TAF1A: variants seen among roughly 807,000 people sequenced by gnomAD.
TAF1A encodes TATA-box binding protein associated factor, RNA polymerase I subunit A, also known as TATA box-binding protein-associated factor RNA polymerase I subunit A.
In TAF1A, 42 loss-of-function variants were observed where a neutral mutation model predicts 61.6. The ratio of observed to expected loss-of-function variants is 0.68; its 90% CI spans 0.53 to 0.88. The LOEUF (loss-of-function observed/expected upper bound fraction) is 0.88, where lower values mean the gene tolerates loss of function less well. TAF1A is among the 40% of genes least tolerant of loss of function. The pLI is 0.00. For synonymous variants in TAF1A, 179 were observed against 177.7 expected (o/e 1.01, Z -0.06); for missense variants, 424 against 518.7 (o/e 0.82, Z 1.77).
intron 10 of TAF1A, among the ~76,000 whole-genome samples, chr1:222,560,098 T>G (rs1659854736): frequency 6.6e-6 from 1 of 152,106 alleles, no homozygotes; most frequent in Non-Finnish European, 1.5e-5. Flanking sequence ...TGGGCCTGGC[T>G]TGCTTTTAGT....
intron 7 of TAF1A, among the ~76,000 whole-genome samples, chr1:222,568,184 A>G (rs1315742555): frequency 1.6e-5 from 2 of 126,788 alleles, no homozygotes; most frequent in East Asian, 4.4e-4. Context: ...ACATCTAGAA[A>G]AAAAAAAAAA....
intron 4 of TAF1A, among the ~76,000 whole-genome samples, chr1:222,579,171 G>A (rs1032999076): frequency 1.3e-5 from 2 of 152,082 alleles, no homozygotes; most frequent in Non-Finnish European, 1.5e-5. Flanking sequence ...GAACAAAATC[G>A]TAAGAGCATC....
chr1:222,569,696 G>T, intron 6 of TAF1A, 28 bp from the exon 7 acceptor site: 3 of 1,586,354 alleles, frequency 1.9e-6, no homozygotes, highest in Non-Finnish European at 1.7e-6. Flanking sequence ...TAATATCTTA[G>T]CTGAATTCTG....
intron 9 of TAF1A, 29 bp from the exon 10 acceptor site, chr1:222,561,547 G>T (rs1265105333): frequency 6.4e-7 from 1 of 1,567,112 alleles, no homozygotes; most frequent in South Asian, 1.2e-5. Flanking sequence ...AAAAGAGAGG[G>T]TCAATGATGG....
intron 3 of TAF1A, among the ~76,000 whole-genome samples, chr1:222,582,499 A>C (rs1660825460): frequency 6.6e-6 from 1 of 152,222 alleles, no homozygotes; most frequent in Non-Finnish European, 1.5e-5. Flanking sequence ...TGCTGGTGAG[A>C]ATATAAATGG....
At chr1:222,561,280 G>A (rs1389574202) in intron 10 of TAF1A, 84 bp downstream of exon 10, 1 of 1,399,066 alleles carries the variant, frequency 7.1e-7, no homozygotes, top group Admixed American at 2.3e-5. Context: ...TACCATGTTA[G>A]GTAAGCTCTA....
downstream of TAF1A, among the ~76,000 whole-genome samples, chr1:222,557,296 G>A (rs964656552): frequency 6.6e-6 from 1 of 152,160 alleles, no homozygotes; most frequent in African/African-American, 2.4e-5. Context: ...ATAAAGCTCA[G>A]CTCATGTTCC....
rs554278136 is a variant in TAF1A, at chr1:222,575,384, T to G, written c.604+2061A>C. 5.3e-5 allele frequency among the ~76,000 whole-genome samples: 8 copies of G among 151,986 alleles called. No individual in the cohort carries two copies. In the East Asian group the frequency reaches 1.2e-3, roughly 22 times the overall value. On this transcript the variant is annotated intron_variant, in intron 5 of 10. Coordinates refer to ENST00000352967, the MANE Select transcript of TAF1A (RefSeq NM_005681.4). ...AAAAAAAAAATTGATGGTGCACACC[T>G]GTAGTCCCAAGTCCTTGGGAGGCTG...
chr1:222,579,109 C>T (rs1444703032), intron 4 of TAF1A, among the ~76,000 whole-genome samples: 3 of 152,194 alleles, frequency 2.0e-5, no homozygotes, highest in African/African-American at 7.2e-5. Context: ...TTAAGTAGAA[C>T]CGTAAACTGC....
At chr1:222,584,402 T>G in intron 2 of TAF1A, 105 bp from the exon 3 acceptor site, 1 of 1,054,250 alleles carries the variant, frequency 9.5e-7, no homozygotes, top group Non-Finnish European at 1.3e-6. Context: ...CAGTAGGCAT[T>G]ACTTGACCCA....
At chr1:222,567,751 C>T (rs1660173436) in intron 7 of TAF1A, among the ~76,000 whole-genome samples, 1 of 152,030 alleles carries the variant, frequency 6.6e-6, no homozygotes, top group African/African-American at 2.4e-5. Flanking sequence ...AGTTAAAGAA[C>T]CTAGAAAAGC....
intron 5 of TAF1A, among the ~76,000 whole-genome samples, chr1:222,574,296 C>A (rs1055978532): frequency 2.0e-4 from 31 of 151,906 alleles, no homozygotes; most frequent in Non-Finnish European, 1.9e-4. Flanking sequence ...AGAAAAAAAA[C>A]CATGAGAGAT....
intron 2 of TAF1A, 89 bp downstream of exon 2, chr1:222,588,354 T>G: frequency 6.8e-7 from 1 of 1,472,282 alleles, no homozygotes; most frequent in Non-Finnish European, 9.1e-7. Context: ...TCTTGAAAAT[T>G]AAACCAGTCT....
chr1:222,585,116 A>G (rs778484304), intron 2 of TAF1A, among the ~76,000 whole-genome samples: 116 of 152,340 alleles, frequency 7.6e-4, no homozygotes, highest in Non-Finnish European at 1.1e-3. Context: ...AGGTGAAAAC[A>G]CAGGTGTTGA....
At chr1:222,555,275 A>G (rs1659713041), downstream of TAF1A, among the ~76,000 whole-genome samples, 1 of 152,238 alleles carries the variant, frequency 6.6e-6, no homozygotes, top group South Asian at 2.1e-4. Context: ...AAGAATTGAA[A>G]TCAAGGTTGC....
downstream of TAF1A, among the ~76,000 whole-genome samples, chr1:222,555,915 C>T (rs575061695): frequency 2.0e-4 from 30 of 152,032 alleles, no homozygotes; most frequent in Non-Finnish European, 4.0e-4. Flanking sequence ...ATAGTCGTGA[C>T]GAATGGTTAT....
Position 222,569,624 on chromosome 1 carries a change from G to C in TAF1A, c.780C>G (p.Leu260=). The stretch of plus-strand genomic sequence containing the variant: ...ACTTTTCATCATATGCATAATTGGT[G>C]AGTACCTCTTGGGCTCCATCTCGAT... ...YGDRDGAQEV[L]TNYAYDEKFP... Residue 260 remains leucine (L), a synonymous_variant, in exon 7 of 11, where the codon CTC becomes CTG. Coordinates refer to ENST00000352967, the MANE Select transcript of TAF1A (RefSeq NM_005681.4). The C allele has an allele frequency of 1.7e-5, 28 of 1,613,906 alleles. No homozygotes were observed. Among genetic ancestry groups the C allele is most frequent in the Non-Finnish European group, 2.4e-5 (28 of 1,179,886 alleles).
At chr1:222,573,829 C>A (rs1011821405) in intron 5 of TAF1A, among the ~76,000 whole-genome samples, 2 of 151,882 alleles carry the variant, frequency 1.3e-5, no homozygotes, top group Non-Finnish European at 2.9e-5. Flanking sequence ...TCAAAATAGG[C>A]AAAAGTAGAA....
intron 2 of TAF1A, 117 bp from the exon 3 acceptor site, chr1:222,584,414 C>T (rs1207479565): frequency 6.8e-6 from 6 of 876,652 alleles, no homozygotes; most frequent in Non-Finnish European, 1.0e-5. Flanking sequence ...CTTGACCCAG[C>T]CCATTCCCAG....
Sources: allele counts gnomAD v4.1 joint callset (sites outside exome capture counted in the v4.1 genomes callset), GRCh38; gene constraint gnomAD v4.1.1; transcripts MANE v1.5; gene names NCBI Gene and HGNC (gene_info 2026-07-23, HGNC 2026-07-21).